Variants in ZEB2 observed in about 807,000 individuals in gnomAD.
ZEB2 encodes zinc finger E-box binding homeobox 2.
Under a neutral mutation model 99.9 loss-of-function variants are expected in ZEB2, and 6 were observed. The ratio of observed to expected loss-of-function variants is 0.06; its 90% confidence interval spans 0.03 to 0.12. ZEB2 has a LOEUF of 0.12. Ranked by LOEUF, ZEB2 falls within the 10% of genes least tolerant of loss-of-function variation. The pLI is 1.00. For synonymous variants in ZEB2, 517 were observed against 542.5 expected (o/e 0.95, Z 0.65); for missense variants, 969 against 1,502.8 (o/e 0.64, Z 5.87).
chr2:144,452,055 C>G (rs1704061510), intron 2 of ZEB2, among the ~76,000 whole-genome samples: 2 of 152,148 alleles, frequency 1.3e-5, no homozygotes, highest in Admixed American at 1.3e-4. Flanking sequence ...TTTGACATAT[C>G]TGGGGTCCAC....
intron 4 of ZEB2, among the ~76,000 whole-genome samples, chr2:144,415,085 T>C (rs1248358113): frequency 6.6e-6 from 1 of 151,726 alleles, no homozygotes; most frequent in African/African-American, 2.4e-5. Context: ...AACTGGGTAA[T>C]CCAGAGCTGG....
At chr2:144,500,348 G>A (rs1188830939) in intron 2 of ZEB2, among the ~76,000 whole-genome samples, 2 of 152,098 alleles carry the variant, frequency 1.3e-5, no homozygotes, top group African/African-American at 4.8e-5. Flanking sequence ...TTGTTTCCCT[G>A]GTATGTTGAT....
intron 3 of ZEB2, chr2:144,429,043 G>T (rs1448602092): frequency 6.6e-6 from 1 of 152,190 alleles, no homozygotes; most frequent in Admixed American, 6.5e-5. Flanking sequence ...ATACCTTAGC[G>T]ATTCTCCGTC....
chr2:144,446,221 A>G (rs1468404505), intron 2 of ZEB2, among the ~76,000 whole-genome samples: 1 of 152,200 alleles, frequency 6.6e-6, no homozygotes, highest in African/African-American at 2.4e-5. Flanking sequence ...TGATGCTTTC[A>G]GGAGACTCCA....
rs3073687 is a variant in ZEB2, at chr2:144,472,193, T to TTCA, written c.74-42170_74-42168dup. 4.2e-3 allele frequency among the ~76,000 whole-genome samples: 637 copies of TTCA among 151,244 alleles called. 3 individuals are homozygous for TTCA. The highest frequency in any genetic ancestry group is 0.025 in the South Asian group (119 of 4,780). On this transcript the variant is annotated intron_variant, in intron 2 of 9. Transcript: ENST00000627532. Reference sequence around the variant, plus strand: ...CAAAGAAGCATTTGGTCATGTTTTCTTCATCATCATCATCATCATCATCAT... The same window carrying TTCA: ...CAAAGAAGCATTTGGTCATGTTTTCTTCATCATCATCATCATCATCATCATCAT...
intron 2 of ZEB2, among the ~76,000 whole-genome samples, chr2:144,488,870 T>C (rs1378859356): frequency 1.3e-5 from 2 of 152,204 alleles, no homozygotes; most frequent in Non-Finnish European, 2.9e-5. Context: ...ACATATAGTT[T>C]ATTTGCCTCT....
intron 2 of ZEB2, among the ~76,000 whole-genome samples, chr2:144,507,802 G>A (rs1034563102): frequency 5.9e-5 from 9 of 152,102 alleles, no homozygotes; most frequent in Non-Finnish European, 8.8e-5. Flanking sequence ...AAAAATATGC[G>A]CAGTTACTGT....
chr2:144,496,356 C>G (rs1485320397), intron 2 of ZEB2: 1 of 152,232 alleles, frequency 6.6e-6, no homozygotes, highest in Non-Finnish European at 1.5e-5. Flanking sequence ...TCTTTCCAAA[C>G]TCTCAAAGAT....
intron 3 of ZEB2, chr2:144,429,413 T>A (rs1703736787): frequency 3.3e-6 from 1 of 305,268 alleles, no homozygotes. Context: ...ATATATGTTG[T>A]GAGTTTTTAC....
chr2:144,470,269 A>G (rs1044738582), intron 2 of ZEB2, among the ~76,000 whole-genome samples: 2 of 152,216 alleles, frequency 1.3e-5, no homozygotes, highest in African/African-American at 2.4e-5. Context: ...AAATGTTTCA[A>G]CTTGAGGGCA....
chr2:144,429,799 CGTT>C lies in ZEB2; in HGVS notation c.298_300del (p.Asn100del), dbSNP rs587776610. On this transcript the variant is annotated inframe_deletion, in exon 3 of 10. Transcript: ENST00000627532. ...CCATCTACAGAGGCTTGTAGAATCTCGTTGTTGTGCCAGGGGTGTTCCACTCCA... is the reference window on the plus strand; with the variant it reads ...CCATCTACAGAGGCTTGTAGAATCTCGTTGTGCCAGGGGTGTTCCACTCCA... 20 of 1,613,716 alleles carry C rather than the reference CGTT, an allele frequency of 1.2e-5. No individual in the cohort carries two copies. In the East Asian group the frequency reaches 4.0e-4, roughly 32 times the overall value.
intron 1 of ZEB2, chr2:144,517,731 C>T (rs929277515): frequency 5.3e-5 from 37 of 701,130 alleles, no homozygotes; most frequent in Admixed American, 2.0e-4. Flanking sequence ...CCGCTTGACT[C>T]AGGGCTAGGC....
At chr2:144,502,596 C>G (rs1465533175) in intron 2 of ZEB2, among the ~76,000 whole-genome samples, 1 of 152,128 alleles carries the variant, frequency 6.6e-6, no homozygotes, top group African/African-American at 2.4e-5. Context: ...TAACTAATCT[C>G]TTAGCAAACA....
chr2:144,485,625 T>C (rs1040389145), intron 2 of ZEB2, among the ~76,000 whole-genome samples: 3 of 152,144 alleles, frequency 2.0e-5, no homozygotes, highest in Admixed American at 6.5e-5. Context: ...CTTTTATTTC[T>C]TTATTTATTT....
chr2:144,415,863 A>C (rs1403425460), intron 4 of ZEB2, among the ~76,000 whole-genome samples: 3 of 152,328 alleles, frequency 2.0e-5, no homozygotes, highest in Admixed American at 2.0e-4. Context: ...GTCGAAAGTC[A>C]TCCATTTTCA....
chr2:144,436,226 T>C (rs551357209), intron 2 of ZEB2, among the ~76,000 whole-genome samples: 1 of 152,180 alleles, frequency 6.6e-6, no homozygotes, highest in Non-Finnish European at 1.5e-5. Flanking sequence ...AATATTCAGA[T>C]GGAATGTGCT....
chr2:144,436,944 T>A (rs570719421), intron 2 of ZEB2, among the ~76,000 whole-genome samples: 1 of 152,332 alleles, frequency 6.6e-6, no homozygotes, highest in African/African-American at 2.4e-5. Context: ...CCCAAAGACT[T>A]GACATCTGTT....
At chr2:144,460,791 A>T (rs1173453107) in intron 2 of ZEB2, among the ~76,000 whole-genome samples, 1 of 152,162 alleles carries the variant, frequency 6.6e-6, no homozygotes, top group Admixed American at 6.6e-5. Context: ...CCTTCTAATT[A>T]TGAATGTTGC....
chr2:144,517,132 G>T, intron 2 of ZEB2, 146 bp downstream of exon 2: 1 of 832,986 alleles, frequency 1.2e-6, no homozygotes, highest in Non-Finnish European at 1.6e-6. Context: ...GCCGGGCTCC[G>T]GCGCCGGCCG....
Sources: gnomAD v4.1 joint callset for allele counts (sites outside exome capture counted in the v4.1 genomes callset) on GRCh38, gnomAD v4.1.1 for gene constraint, MANE v1.5 for transcripts, NCBI Gene and HGNC (gene_info 2026-07-23, HGNC 2026-07-21) for gene names.